The following BOD1L1 variants were observed in gnomAD, a reference collection of about 807,000 sequenced individuals.
BOD1L1 encodes the protein biorientation of chromosomes in cell division 1 like 1.
A neutral mutation model predicts 240.7 loss-of-function variants in BOD1L1; 86 were observed. The ratio of observed to expected loss-of-function variants is 0.36; its 90% CI spans 0.30 to 0.43. BOD1L1 has a LOEUF of 0.43. Among genes scored for constraint, BOD1L1 ranks in the 20% least tolerant of loss-of-function variants. The pLI is 1.00. For synonymous variants in BOD1L1, 1,268 were observed against 1,272.3 expected, an observed-to-expected ratio of 1.00 and a Z score of 0.07; for missense variants, 3,554 against 3,643.5, an observed-to-expected ratio of 0.98 and a Z score of 0.63.
intron 2 of BOD1L1, among the ~76,000 whole-genome samples, chr4:13,617,231 G>A (rs181522788): frequency 7.3e-5 from 8 of 109,538 alleles, no homozygotes; most frequent in East Asian, 2.9e-4. Flanking sequence ...GCGACAGAGC[G>A]AACTCCGTCT....
intron 12 of BOD1L1, 75 bp downstream of exon 12, chr4:13,595,785 T>C (rs1335144432): frequency 2.2e-5 from 26 of 1,202,344 alleles, no homozygotes; most frequent in Non-Finnish European, 3.0e-5. Context: ...GCATCAGCTA[T>C]TGATTTTTAG....
At chr4:13,622,616 A>G (rs1438389716) in intron 1 of BOD1L1, among the ~76,000 whole-genome samples, 6 of 152,134 alleles carry the variant, frequency 3.9e-5, no homozygotes, top group Non-Finnish European at 8.8e-5. Flanking sequence ...GAATCTGACC[A>G]CTTCCCACTA....
In BOD1L1 at chr4:13,625,232, G is replaced by C. The variant is rs528747138; in HGVS notation, c.243+2113C>G. 42 of 152,224 alleles carry C rather than the reference G, an allele frequency of 2.8e-4. No homozygotes were observed. In the East Asian group the frequency reaches 7.7e-3, roughly 28 times the overall value. 9.4% of individuals were successfully genotyped at this position (152,224 alleles called of 1,614,324 possible). A position where few individuals can be genotyped will look rare whatever the true frequency, so the allele number is the denominator to read the frequency against. ...AAAAGAGGCTAAGAACATTAAAATA[G>C]GTTCTTATTCCATGGTTCCTGAACT... On this transcript the variant is annotated intron_variant, in intron 1 of 25. Coordinates refer to ENST00000040738, the MANE Select transcript of BOD1L1 (RefSeq NM_148894.3).
intron 6 of BOD1L1, among the ~76,000 whole-genome samples, chr4:13,609,873 A>G (rs1560211409): frequency 6.6e-6 from 1 of 152,198 alleles, no homozygotes; most frequent in African/African-American, 2.4e-5. Context: ...CTTGCTGGTT[A>G]TATGCTTGGG....
intron 2 of BOD1L1, among the ~76,000 whole-genome samples, chr4:13,618,688 C>T (rs1201391504): frequency 1.3e-5 from 2 of 152,154 alleles, no homozygotes; most frequent in African/African-American, 4.8e-5. Flanking sequence ...AGCCCCCAGG[C>T]TTCTGGTTTC....
chr4:13,579,813 A>G (rs1366633304), intron 22 of BOD1L1, 115 bp downstream of exon 22: 2 of 753,282 alleles, frequency 2.7e-6, no homozygotes, highest in Non-Finnish European at 4.3e-6. Flanking sequence ...TATTTTTACC[A>G]AGGGGGCCAC....
In BOD1L1 at chr4:13,601,026, C is replaced by T; in HGVS notation, c.5874G>A (p.Val1958=). The T allele has an allele frequency of 1.9e-6, 3 of 1,614,026 alleles. No homozygotes were observed. The highest frequency in any genetic ancestry group is 1.3e-5 in the African/African-American group (1 of 75,058). ...SSAKGIVESS[V]TSAVSGKDEV... Reference sequence around the variant, plus strand: ...CATCCTTTCCTGAGACTGCACTGGTCACACTGCTTTCTACAATCCCTTTTG... The same window carrying T: ...CATCCTTTCCTGAGACTGCACTGGTTACACTGCTTTCTACAATCCCTTTTG... The change falls in exon 10 of 26, where the codon GTG becomes GTA. Residue 1958 remains valine (V), a synonymous_variant. Coordinates refer to ENST00000040738, the MANE Select transcript of BOD1L1 (RefSeq NM_148894.3).
At chr4:13,573,463 TCTA>T (rs1367789102) in intron 25 of BOD1L1, among the ~76,000 whole-genome samples, 33 of 112,832 alleles carry the variant, frequency 2.9e-4, no homozygotes, top group African/African-American at 9.2e-4. Context: ...TATCTATCTA[TCTA>T]TCTATCTTTC....
chr4:13,605,383 T>A (rs578191734), intron 9 of BOD1L1, among the ~76,000 whole-genome samples: 1 of 152,212 alleles, frequency 6.6e-6, no homozygotes, highest in African/African-American at 2.4e-5. Flanking sequence ...TTATTTCTCA[T>A]AGAGATTTAT....
intron 16 of BOD1L1, among the ~76,000 whole-genome samples, 152 bp downstream of exon 16, chr4:13,587,547 G>T (rs909774952): frequency 1.3e-5 from 2 of 152,118 alleles, no homozygotes; most frequent in African/African-American, 4.8e-5. Flanking sequence ...GACTCCGGAG[G>T]TATCAAGCCA....
At position 13,599,567 on chromosome 4, in the gene BOD1L1, C is replaced by T. The variant is rs751664267; in HGVS notation, c.7333G>A (p.Ala2445Thr). 2 of 1,614,052 alleles carry T rather than the reference C, an allele frequency of 1.2e-6. No individual in the cohort carries two copies. Among genetic ancestry groups the T allele is most frequent in the South Asian group, 2.2e-5 (2 of 91,088 alleles). Residue 2445 changes from alanine (A) to threonine (T), a missense_variant, in exon 10 of 26, where the codon GCA becomes ACA. By Grantham distance (58) the Ala-to-Thr change is moderately conservative. This residue lies in a region of BOD1L1 where 3,393 missense variants were observed against 3,427.1 expected (regional missense o/e 0.99). Transcript: ENST00000040738. ...GKECPEIGPF[A>T]GRGQKESTLH... ...GTGCTCTCTTTCTGTCCTCTTCCTG[C>T]AAATGGTCCTATTTCGGGGCACTCC... is the stretch of plus-strand genomic sequence containing the variant.
rs756275820 is a variant in BOD1L1, at chr4:13,602,932, G to C, written c.3968C>G (p.Ser1323Cys). 4.3e-6 allele frequency: 7 copies of C among 1,613,898 alleles called. No homozygotes were observed. The highest frequency in any genetic ancestry group is 5.9e-6 in the Non-Finnish European group (7 of 1,179,902). The change falls in exon 10 of 26, where the codon TCT becomes TGT. Residue 1323 changes from serine to cysteine, a missense_variant. By Grantham distance (112) the Ser-to-Cys change is moderately radical. Coordinates refer to ENST00000040738, the MANE Select transcript of BOD1L1 (RefSeq NM_148894.3). ...AGTCAGACTTTGGTTAGGGAGAGCA[G>C]AGTGATCCGCAGGGGAGGTGCTGGC... ...STASTSPADH[S>C]ALPNQSLTVR...
Position 13,627,446 on chromosome 4 carries a change from CG to C in BOD1L1, c.141del (p.Ala48ProfsTer9). The C allele has an allele frequency of 8.1e-7, 1 of 1,239,972 alleles. No homozygotes were observed. 76.8% of individuals were successfully genotyped at this position (1,239,972 alleles called of 1,614,324 possible). A position where few individuals can be genotyped will look rare whatever the true frequency, so the allele number is the denominator to read the frequency against. On this transcript the variant is annotated frameshift_variant, in exon 1 of 26. Coordinates refer to ENST00000040738, the MANE Select transcript of BOD1L1 (RefSeq NM_148894.3). LOFTEE classifies it high-confidence loss of function. ...ATGGCCACGAGCTGCGGGTCCCCGG[CG>C]CCCGCACCCGCGCCGCCCGCCCCGC... is the stretch of plus-strand genomic sequence containing the variant. ...GAGGAGGAGAGAGDPQLVAMI... is the reference protein window; with the variant it reads ...GAGGAGGAGAXAGDPQLVAMI...
In BOD1L1 at chr4:13,607,120, A is replaced by G; in HGVS notation, c.1812T>C (p.Ser604=). 1.3e-6 allele frequency: 2 copies of G among 1,554,840 alleles called. No homozygotes were observed. Among genetic ancestry groups the G allele is most frequent in the African/African-American group, 1.4e-5 (1 of 72,292 alleles). ...EEDSKETLKT[S]EHCEKEKISS... ...ATGAGGTTTTATTAAGGCATACCTC[A>G]CTTGTTTTAAGGGTTTCTTTGGAAT... The change falls in exon 9 of 26, where the codon AGT becomes AGC. Residue 604 remains serine (S), a synonymous_variant. Coordinates refer to ENST00000040738, the MANE Select transcript of BOD1L1 (RefSeq NM_148894.3).
Position 13,601,267 on chromosome 4 carries a change from TTTCCTC to T in BOD1L1, c.5627_5632del (p.Arg1876_Gly1877del). On this transcript the variant is annotated inframe_deletion, in exon 10 of 26. Coordinates refer to ENST00000040738, the MANE Select transcript of BOD1L1 (RefSeq NM_148894.3). ...ACAAGTTGAAGCATGCCCAATTTCA[TTTCCTC>T]TTCCAGTACTAGTCACAACATCCTC... 2 of 1,613,990 alleles carry T rather than the reference TTTCCTC, an allele frequency of 1.2e-6. No homozygotes were observed. The highest frequency in any genetic ancestry group is 1.7e-6 in the Non-Finnish European group (2 of 1,179,884).
rs186909081 is a variant in BOD1L1, at chr4:13,609,220, T to C, written c.1603+75A>G. On this transcript the variant is annotated intron_variant, in intron 7 of 25. Coordinates refer to ENST00000040738, the MANE Select transcript of BOD1L1 (RefSeq NM_148894.3). ...CATTTTATTTTATATTCATGTCTCA[T>C]AAGTAATATAAGAGTACCCAGAAAA... 48 of 769,050 alleles carry C rather than the reference T, an allele frequency of 6.2e-5. No homozygotes were observed. The African/African-American group carries it at 7.5e-4, about 12-fold the overall frequency. 47.6% of individuals were successfully genotyped at this position (769,050 alleles called of 1,614,324 possible). A position where few individuals can be genotyped will look rare whatever the true frequency, so the allele number is the denominator to read the frequency against.
chr4:13,611,948 ATCT>A (rs1716203837), intron 5 of BOD1L1, among the ~76,000 whole-genome samples: 1 of 152,200 alleles, frequency 6.6e-6, no homozygotes. Context: ...TAAAATAGCC[ATCT>A]TCTTCTCACT....
Position 13,581,061 on chromosome 4 carries a change from A to C in BOD1L1, c.8669-7T>G, listed in dbSNP as rs780509617. 7 of 1,568,330 alleles carry C rather than the reference A, an allele frequency of 4.5e-6. No homozygotes were observed. In the South Asian group the frequency reaches 7.1e-5, roughly 16 times the overall value. On this transcript the variant is annotated splice_polypyrimidine_tract_variant and splice_region_variant and intron_variant, in intron 20 of 25. Coordinates refer to ENST00000040738, the MANE Select transcript of BOD1L1 (RefSeq NM_148894.3). Reference sequence around the variant, plus strand: ...TCTGTTTTGGAGTCGTCTTCTAAAAAAAAAAAATTCACTTAGAAAATCGGT... The same window carrying C: ...TCTGTTTTGGAGTCGTCTTCTAAAACAAAAAAATTCACTTAGAAAATCGGT...
At chr4:13,597,481 A>G (rs1235044265) in intron 10 of BOD1L1, among the ~76,000 whole-genome samples, 1 of 152,230 alleles carries the variant, frequency 6.6e-6, no homozygotes, top group Non-Finnish European at 1.5e-5. Context: ...AGTGATCTCC[A>G]TCAAGTTTGT....
Sources: gnomAD v4.1 joint callset for allele counts (sites outside exome capture counted in the v4.1 genomes callset) on GRCh38, gnomAD v4.1.1 for gene constraint, gnomAD v4.1.1 regional missense constraint, MANE v1.5 for transcripts, NCBI Gene and HGNC (gene_info 2026-07-23, HGNC 2026-07-21) for gene names.